GLDC: variants seen among roughly 807,000 people sequenced by gnomAD.
GLDC encodes glycine decarboxylase.
In GLDC, 104 loss-of-function variants were observed where a neutral mutation model predicts 121.3. That is an observed-to-expected ratio of 0.86 (90% CI 0.73 to 1.01). The LOEUF (loss-of-function observed/expected upper bound fraction) is 1.01, where lower values mean the gene tolerates loss of function less well. GLDC is among the 50% of genes least tolerant of loss of function. GLDC has a pLI of 0.00. For missense variants in GLDC, 1,429 were observed against 1,306.6 expected, an observed-to-expected ratio of 1.09 and a Z score of -1.44; for synonymous variants, 546 against 480.6, an observed-to-expected ratio of 1.14 and a Z score of -1.78.
chr9:6,554,865 C>T (rs1178038795), intron 18 of GLDC, 84 bp from the exon 19 acceptor site: 3 of 952,158 alleles, frequency 3.2e-6, no homozygotes, highest in Admixed American at 4.0e-5. Context: ...GCCGGTGCTG[C>T]CTTCTCCCCT....
chr9:6,628,222 A>G (rs1375658307), intron 2 of GLDC, among the ~76,000 whole-genome samples: 1 of 152,244 alleles, frequency 6.6e-6, no homozygotes, highest in Non-Finnish European at 1.5e-5. Context: ...CTTCAATCCC[A>G]AAGTGGCAGC....
At position 6,595,385 on chromosome 9, in the gene GLDC, T is replaced by G. The variant is rs57793935; in HGVS notation, c.1156-266A>C. 0.013 allele frequency among the ~76,000 whole-genome samples: 1,929 copies of G among 152,276 alleles called. 29 individuals carry two copies. Among genetic ancestry groups the G allele is most frequent in the African/African-American group, 0.044 (1,826 of 41,554 alleles). The stretch of plus-strand genomic sequence containing the variant: ...GGGCTTCTTCCATGCAACAAAATCA[T>G]GTCACCCTTAAGGGCAAAGATCACA... On this transcript the variant is annotated intron_variant, in intron 8 of 24. Transcript: ENST00000321612.
intron 15 of GLDC, among the ~76,000 whole-genome samples, chr9:6,577,413 T>A (rs1480526270): frequency 6.6e-6 from 1 of 152,194 alleles, no homozygotes; most frequent in Non-Finnish European, 1.5e-5. Flanking sequence ...AAGCCAACCT[T>A]ATCCCATATC....
chr9:6,626,370 G>A (rs566291733), intron 2 of GLDC, among the ~76,000 whole-genome samples: 17 of 152,280 alleles, frequency 1.1e-4, no homozygotes, highest in African/African-American at 4.1e-4. Context: ...TACAGAAGGA[G>A]CAGGATTGAA....
At chr9:6,610,506 G>A (rs1199684418) in intron 3 of GLDC, 150 bp from the exon 4 acceptor site, 7 of 736,486 alleles carry the variant, frequency 9.5e-6, no homozygotes, top group African/African-American at 6.9e-5. Context: ...TTTGGCCTTT[G>A]TAAAGCTTAG....
chr9:6,600,596 G>A (rs1818587317), intron 8 of GLDC, among the ~76,000 whole-genome samples: 1 of 151,906 alleles, frequency 6.6e-6, no homozygotes, highest in African/African-American at 2.4e-5. Context: ...CTTGAACCCA[G>A]GAGGCAGAGG....
chr9:6,579,274 A>T lies in GLDC; in HGVS notation c.1850+7867T>A, dbSNP rs115702692. ...TTCATTCTAGCTTTTATCTTTAATC[A>T]TTTCATTTTTTACCATCATTTTGGT... On this transcript the variant is annotated intron_variant, in intron 15 of 24. Transcript: ENST00000321612. Among the ~76,000 whole-genome samples the T allele has an allele frequency of 1.9e-3, 289 of 151,988 alleles. 1 individual carries two copies. Among genetic ancestry groups the T allele is most frequent in the African/African-American group, 6.6e-3 (272 of 41,474 alleles).
chr9:6,599,184 CA>C (rs1312853704), intron 8 of GLDC, among the ~76,000 whole-genome samples: 3,759 of 115,742 alleles, frequency 0.032, 129 homozygotes, highest in African/African-American at 0.1. Flanking sequence ...GACTCCGTCT[CA>C]AAAAAAAAAA....
At chr9:6,614,687 C>T (rs1000630657) in intron 3 of GLDC, among the ~76,000 whole-genome samples, 14 of 152,076 alleles carry the variant, frequency 9.2e-5, no homozygotes, top group Non-Finnish European at 1.6e-4. Flanking sequence ...CTGTGCCAAG[C>T]CTTAATCTTA....
chr9:6,563,005 G>T (rs1238936077), intron 16 of GLDC, among the ~76,000 whole-genome samples: 1 of 152,136 alleles, frequency 6.6e-6, no homozygotes, highest in African/African-American at 2.4e-5. Flanking sequence ...TCTCCCTCCT[G>T]CAGAGTGAAA....
chr9:6,572,802 A>G (rs1051030713), intron 15 of GLDC, among the ~76,000 whole-genome samples: 3 of 152,098 alleles, frequency 2.0e-5, no homozygotes, highest in African/African-American at 7.2e-5. Flanking sequence ...TTCCCTGTAA[A>G]TTATTTTTCT....
chr9:6,557,489 G>A (rs536288391), intron 17 of GLDC, among the ~76,000 whole-genome samples: 23 of 152,262 alleles, frequency 1.5e-4, no homozygotes, highest in Non-Finnish European at 2.6e-4. Flanking sequence ...AGCTAATCAG[G>A]AGGCTGAGGC....
intron 2 of GLDC, among the ~76,000 whole-genome samples, chr9:6,630,825 A>G (rs988306754): frequency 9.9e-5 from 15 of 152,264 alleles, no homozygotes; most frequent in African/African-American, 3.4e-4. Context: ...TCCTTTCCCC[A>G]ACATCACCCA....
At chr9:6,542,942 CAT>C (rs1016360291) in intron 21 of GLDC, among the ~76,000 whole-genome samples, 2 of 114,284 alleles carry the variant, frequency 1.8e-5, no homozygotes, top group Admixed American at 1.7e-4. Flanking sequence ...GGTAGGTAAA[CAT>C]AGGGAAAAAA....
At position 6,598,491 on chromosome 9, in the gene GLDC, C is replaced by T. The variant is rs141129597; in HGVS notation, c.1156-3372G>A. ...GCGAAACTAAGAGTGGACTCCCCCACCCACCCCAGTGACAAGAGAGAAGAG... is the reference window on the plus strand; with the variant it reads ...GCGAAACTAAGAGTGGACTCCCCCATCCACCCCAGTGACAAGAGAGAAGAG... On this transcript the variant is annotated intron_variant, in intron 8 of 24. Transcript: ENST00000321612. Among the ~76,000 whole-genome samples the T allele has an allele frequency of 3.4e-3, 520 of 152,290 alleles. 2 individuals are homozygous for T. The highest frequency in any genetic ancestry group is 0.012 in the African/African-American group (489 of 41,558).
At chr9:6,619,808 A>G (rs1325532890) in intron 3 of GLDC, among the ~76,000 whole-genome samples, 1 of 152,150 alleles carries the variant, frequency 6.6e-6, no homozygotes, top group Non-Finnish European at 1.5e-5. Context: ...ACTCAATGAG[A>G]TAGCTCAGAA....
chr9:6,582,241 G>A (rs934411762), intron 15 of GLDC, among the ~76,000 whole-genome samples: 8 of 144,692 alleles, frequency 5.5e-5, no homozygotes, highest in African/African-American at 1.5e-4. Flanking sequence ...AAAAAAAGCC[G>A]GGCATGGTGT....
chr9:6,616,584 C>G (rs1309789354), intron 3 of GLDC, among the ~76,000 whole-genome samples: 3 of 152,096 alleles, frequency 2.0e-5, no homozygotes, highest in African/African-American at 4.8e-5. Flanking sequence ...AAAAGGCCTG[C>G]CATCATGTTT....
intron 8 of GLDC, among the ~76,000 whole-genome samples, chr9:6,597,203 A>AG (rs1460644735): frequency 2.0e-5 from 3 of 152,220 alleles, no homozygotes; most frequent in Non-Finnish European, 4.4e-5. Flanking sequence ...AGTAGTTGCC[A>AG]GGGGCTATAG....
Sources: allele counts gnomAD v4.1 joint callset (sites outside exome capture counted in the v4.1 genomes callset), GRCh38; gene constraint gnomAD v4.1.1; transcripts MANE v1.5; gene names NCBI Gene and HGNC (gene_info 2026-07-23, HGNC 2026-07-21).